The following SPMIP7 variants were observed in gnomAD, a reference collection of about 807,000 sequenced individuals.
SPMIP7 encodes protein SPMIP7.
chr7:50,147,736 A>G, the SPMIP7 span, among the ~76,000 whole-genome samples: 1 of 152,164 alleles, frequency 6.6e-6, no homozygotes, highest in Non-Finnish European at 1.5e-5. Context: ...CTATTTTATC[A>G]TGTTTGGTTG....
the SPMIP7 span, among the ~76,000 whole-genome samples, chr7:50,102,968 T>C: frequency 6.7e-6 from 1 of 148,420 alleles, no homozygotes; most frequent in African/African-American, 2.5e-5. Context: ...ATTACTTATA[T>C]ATATATAAAA....
the SPMIP7 span, chr7:50,142,061 G>T: frequency 6.6e-6 from 1 of 152,016 alleles, no homozygotes; most frequent in Non-Finnish European, 1.5e-5. Context: ...GGAACTTGAA[G>T]GCTGTCGTGC....
the SPMIP7 span, among the ~76,000 whole-genome samples, chr7:50,120,917 T>C: frequency 6.6e-6 from 1 of 152,200 alleles, no homozygotes; most frequent in Admixed American, 6.5e-5. Context: ...ATTGCCTGAA[T>C]TTTGAATTGT....
chr7:50,109,599 T>C, the SPMIP7 span, among the ~76,000 whole-genome samples: 1 of 152,164 alleles, frequency 6.6e-6, no homozygotes, highest in Non-Finnish European at 1.5e-5. Context: ...GTTCTCGAAC[T>C]CCTGACCTCA....
chr7:50,156,957 C>A, the SPMIP7 span, among the ~76,000 whole-genome samples: 1 of 152,172 alleles, frequency 6.6e-6, no homozygotes, highest in Non-Finnish European at 1.5e-5. Flanking sequence ...TTCCTGCCCA[C>A]TCTCTCCTGA....
the SPMIP7 span, among the ~76,000 whole-genome samples, chr7:50,124,956 C>T: frequency 6.6e-6 from 1 of 151,162 alleles, no homozygotes; most frequent in East Asian, 1.9e-4. Context: ...AAAATTAGCC[C>T]TGCATGGTGG....
At chr7:50,157,712 T>A in the SPMIP7 span, among the ~76,000 whole-genome samples, 2 of 152,142 alleles carry the variant, frequency 1.3e-5, no homozygotes, top group Non-Finnish European at 2.9e-5. Context: ...TGTGTGTAAT[T>A]CAGATAGCAA....
the SPMIP7 span, chr7:50,141,312 G>A: frequency 6.4e-7 from 1 of 1,552,036 alleles, no homozygotes; most frequent in Non-Finnish European, 8.7e-7. Flanking sequence ...TGCTGATGAT[G>A]TTGACAACCC....
the SPMIP7 span, among the ~76,000 whole-genome samples, chr7:50,099,931 G>T: frequency 6.6e-6 from 1 of 152,186 alleles, no homozygotes; most frequent in African/African-American, 2.4e-5. Context: ...GAACTGGTGA[G>T]ATAAATCATA....
the SPMIP7 span, chr7:50,158,960 A>T: frequency 5.1e-5 from 71 of 1,385,790 alleles, no homozygotes; most frequent in Non-Finnish European, 6.4e-5. Context: ...CTTCCCGCAC[A>T]GGGGTATCAT....
At chr7:50,149,131 C>A in the SPMIP7 span, among the ~76,000 whole-genome samples, 4 of 118,828 alleles carry the variant, frequency 3.4e-5, no homozygotes, top group East Asian at 8.1e-4. Context: ...GGCAATACAG[C>A]GAGATTCCAT....
the SPMIP7 span, chr7:50,134,128 G>T: frequency 1.3e-6 from 2 of 1,546,906 alleles, no homozygotes; most frequent in African/African-American, 1.4e-5. Context: ...GATGTTCCTT[G>T]GGATAAGATG....
chr7:50,135,870 T>G, the SPMIP7 span, among the ~76,000 whole-genome samples: 1 of 152,146 alleles, frequency 6.6e-6, no homozygotes, highest in Non-Finnish European at 1.5e-5. Context: ...TGAGACAGAT[T>G]CCAGCTATGA....
chr7:50,141,520 C>T, the SPMIP7 span: 1 of 635,352 alleles, frequency 1.6e-6, no homozygotes, highest in East Asian at 2.8e-5. Flanking sequence ...ATACCTGCTT[C>T]CTAAAAGAAA....
the SPMIP7 span, among the ~76,000 whole-genome samples, chr7:50,115,524 C>G: frequency 2.3e-4 from 35 of 152,206 alleles, no homozygotes; most frequent in African/African-American, 8.2e-4. Context: ...ATATCAAACA[C>G]ATCAAATGAA....
At chr7:50,129,809 A>T in the SPMIP7 span, 1 of 1,506,940 alleles carries the variant, frequency 6.6e-7, no homozygotes, top group East Asian at 2.5e-5. Context: ...CAGTTTTCCC[A>T]GTGGAATTTT....
the SPMIP7 span, chr7:50,120,338 A>G: frequency 2.6e-5 from 4 of 152,152 alleles, no homozygotes; most frequent in African/African-American, 9.7e-5. Flanking sequence ...TTGGGAAAAA[A>G]TCTTGAAATT....
the SPMIP7 span, among the ~76,000 whole-genome samples, chr7:50,127,439 G>GAA: frequency 6.7e-6 from 1 of 148,788 alleles, no homozygotes; most frequent in African/African-American, 2.5e-5. Flanking sequence ...GCTCTGTACA[G>GAA]AAAAAAAAAG....
chr7:50,137,843 T>C, the SPMIP7 span, among the ~76,000 whole-genome samples: 1 of 152,214 alleles, frequency 6.6e-6, no homozygotes, highest in Non-Finnish European at 1.5e-5. Flanking sequence ...CCTTTTGCTG[T>C]TGGGTTTTTA....
Sources: gnomAD v4.1 joint callset for allele counts (sites outside exome capture counted in the v4.1 genomes callset) on GRCh38, gnomAD v4.1.1 for gene constraint, MANE v1.5 for transcripts, NCBI Gene and HGNC (gene_info 2026-07-23, HGNC 2026-07-21) for gene names.